The following AGAP1 variants were observed in gnomAD, a reference collection of about 807,000 sequenced individuals.
The protein encoded by AGAP1 is arf-GAP with GTPase, ANK repeat and PH domain-containing protein 1.
Under a neutral mutation model 105.3 loss-of-function variants are expected in AGAP1, and 29 were observed. That is an observed-to-expected ratio of 0.28 (90% CI 0.21 to 0.38). AGAP1 has a LOEUF of 0.38. AGAP1 is among the 10% of genes least tolerant of loss of function. AGAP1 has a pLI of 1.00. For missense variants in AGAP1, 998 were observed against 1,165.1 expected, an observed-to-expected ratio of 0.86 and a Z score of 2.09; for synonymous variants, 509 against 485.9, an observed-to-expected ratio of 1.05 and a Z score of -0.63.
chr2:235,593,894 C>T (rs376002821), intron 1 of AGAP1, among the ~76,000 whole-genome samples: 4 of 151,908 alleles, frequency 2.6e-5, no homozygotes, highest in South Asian at 2.1e-4. Context: ...ACTTGAGCCC[C>T]GGAGTTCAAG....
At chr2:235,681,031 C>A (rs999228945) in intron 1 of AGAP1, among the ~76,000 whole-genome samples, 3 of 151,800 alleles carry the variant, frequency 2.0e-5, no homozygotes, top group Non-Finnish European at 4.4e-5. Flanking sequence ...TCTTTTTAGG[C>A]AGAGTGTCGC....
intron 11 of AGAP1, among the ~76,000 whole-genome samples, chr2:235,915,317 T>C (rs1257776929): frequency 6.6e-6 from 1 of 152,150 alleles, no homozygotes; most frequent in East Asian, 1.9e-4. Flanking sequence ...AAATTATAAC[T>C]CCTATCAACA....
At chr2:235,852,779 A>G in intron 9 of AGAP1, 14 of 1,516,254 alleles carry the variant, frequency 9.2e-6, no homozygotes, top group Non-Finnish European at 1.2e-5. Context: ...GCCAGGGCCG[A>G]GGGGTGGTCA....
chr2:236,084,319 A>G (rs2058866935), intron 16 of AGAP1, among the ~76,000 whole-genome samples: 1 of 152,206 alleles, frequency 6.6e-6, no homozygotes, highest in South Asian at 2.1e-4. Flanking sequence ...ATTTAAATGC[A>G]CAGTACATTC....
chr2:235,876,648 G>A (rs2049747676), intron 9 of AGAP1, among the ~76,000 whole-genome samples: 4 of 152,134 alleles, frequency 2.6e-5, no homozygotes. Context: ...ACCCCACTGG[G>A]CCACGACAAC....
Position 235,569,647 on chromosome 2 carries a change from G to A in AGAP1, c.163+74798G>A, listed in dbSNP as rs1028870731. Among the ~76,000 whole-genome samples, 21 of 152,144 alleles carry A rather than the reference G, an allele frequency of 1.4e-4. No homozygotes were observed. Among genetic ancestry groups the A allele is most frequent in the Admixed American group, 2.6e-4 (4 of 15,274 alleles). ...CCCTGGAGGGGCTGTGCCCAGGTAG[G>A]GTGTGTTCACTGTGCCCCTGTGTGA... On this transcript the variant is annotated intron_variant, in intron 1 of 17. Coordinates refer to ENST00000304032, the MANE Select transcript of AGAP1 (RefSeq NM_001037131.3). This position sits in a 1 kb window ranked among gnomAD's most constrained non-coding sequence, Gnocchi z 5.9.
At chr2:235,624,959 C>T (rs933424773) in intron 1 of AGAP1, among the ~76,000 whole-genome samples, 5 of 152,182 alleles carry the variant, frequency 3.3e-5, no homozygotes, top group Non-Finnish European at 7.3e-5. Flanking sequence ...CACCTTCTGC[C>T]ATGATTGGAA....
Position 235,589,201 on chromosome 2 carries a change from T to G in AGAP1, c.163+94352T>G, listed in dbSNP as rs868617703. On this transcript the variant is annotated intron_variant, in intron 1 of 17. Transcript: ENST00000304032. Reference sequence around the variant, plus strand: ...TTAATAGCTTATTGTTTTGTTTTTTTTTTTTTTTTTTTTTTTTTTTTGAGA... The same window carrying G: ...TTAATAGCTTATTGTTTTGTTTTTTGTTTTTTTTTTTTTTTTTTTTTGAGA... Among the ~76,000 whole-genome samples, 109 of 98,950 alleles carry G rather than the reference T, an allele frequency of 1.1e-3. 1 individual carries two copies. The highest frequency in any genetic ancestry group is 6.5e-3 in the African/African-American group (94 of 14,560). 64.9% of individuals were successfully genotyped at this position (98,950 alleles called of 152,430 possible).
At position 236,122,312 on chromosome 2, in the gene AGAP1, A is replaced by G. The variant is rs373755166; in HGVS notation, c.2371-1607A>G. 1.2e-4 allele frequency among the ~76,000 whole-genome samples: 18 copies of G among 152,258 alleles called. No homozygotes were observed. The South Asian group carries it at 1.5e-3, about 12-fold the overall frequency. The stretch of plus-strand genomic sequence containing the variant: ...ACCTCATTTAAGCTAATACACCACC[A>G]TAAAGGCTCTGTCTCCAAATACAGT... On this transcript the variant is annotated intron_variant, in intron 17 of 17. Coordinates refer to ENST00000304032, the MANE Select transcript of AGAP1 (RefSeq NM_001037131.3).
chr2:235,622,365 C>T lies in AGAP1; in HGVS notation c.164-86814C>T, dbSNP rs1037947150. Among the ~76,000 whole-genome samples, 1 of 152,196 alleles carries T rather than the reference C, an allele frequency of 6.6e-6. No individual in the cohort carries two copies. Among genetic ancestry groups the T allele is most frequent in the Non-Finnish European group, 1.5e-5 (1 of 68,044 alleles). ...AGTGGTCTGTAGCATTCTCATCCTT[C>T]AGAGCTCCCTGAGCTTCTTCACGGC... On this transcript the variant is annotated intron_variant, in intron 1 of 17. Coordinates refer to ENST00000304032, the MANE Select transcript of AGAP1 (RefSeq NM_001037131.3). This position sits in a 1 kb window ranked among gnomAD's most constrained non-coding sequence, Gnocchi z 5.0.
chr2:235,497,896 G>A (rs914453439), intron 1 of AGAP1, among the ~76,000 whole-genome samples: 3 of 151,956 alleles, frequency 2.0e-5, no homozygotes, highest in Non-Finnish European at 4.4e-5. Flanking sequence ...GTGCCCGGCC[G>A]GGCACTTCTT....
Position 235,989,626 on chromosome 2 carries a change from T to C in AGAP1, c.1645+21003T>C, listed in dbSNP as rs1315662396. On this transcript the variant is annotated intron_variant, in intron 13 of 17. Coordinates refer to ENST00000304032, the MANE Select transcript of AGAP1 (RefSeq NM_001037131.3). The surrounding 1 kb of genome is among the most constrained non-coding windows in gnomAD (Gnocchi z 4.4). ...CCACCCAGGAAGATGTGGGAGAAAC[T>C]AGAGGGGATTAGGAGAGTTCGGGCT... 6.6e-6 allele frequency among the ~76,000 whole-genome samples: 1 copy of C among 151,948 alleles called. No individual in the cohort carries two copies. Among genetic ancestry groups the C allele is most frequent in the East Asian group, 1.9e-4 (1 of 5,160 alleles).
At chr2:235,686,501 T>G (rs1218817495) in intron 1 of AGAP1, among the ~76,000 whole-genome samples, 1 of 148,838 alleles carries the variant, frequency 6.7e-6, no homozygotes, top group East Asian at 2.0e-4. Flanking sequence ...CGTACACTGC[T>G]GACAGATTGA....
In AGAP1 at chr2:235,552,107, G is replaced by A. The variant is rs536567006; in HGVS notation, c.163+57258G>A. ...GCTGTTCAGTGCCCCATAACTGGCC[G>A]CGGTACTGCCACCCGCTGGAAGGGG... On this transcript the variant is annotated intron_variant, in intron 1 of 17. Coordinates refer to ENST00000304032, the MANE Select transcript of AGAP1 (RefSeq NM_001037131.3). The surrounding 1 kb of genome is among the most constrained non-coding windows in gnomAD (Gnocchi z 5.9). Among the ~76,000 whole-genome samples, 7 of 152,198 alleles carry A rather than the reference G, an allele frequency of 4.6e-5. No individual in the cohort carries two copies. The East Asian group carries it at 5.8e-4, about 13-fold the overall frequency.
chr2:236,062,967 A>AT lies in AGAP1; in HGVS notation c.2114+13693dup, dbSNP rs1346799849. 2.0e-5 allele frequency among the ~76,000 whole-genome samples: 3 copies of AT among 151,990 alleles called. No homozygotes were observed. Among genetic ancestry groups the AT allele is most frequent in the East Asian group, 3.9e-4 (2 of 5,136 alleles). ...GAGCCACCGTGCCTGGCCATCAGCT[A>AT]TTTTTTTAAGAGATGGGGGTCTCAC... On this transcript the variant is annotated intron_variant, in intron 16 of 17. Coordinates refer to ENST00000304032, the MANE Select transcript of AGAP1 (RefSeq NM_001037131.3). This position sits in a 1 kb window ranked among gnomAD's most constrained non-coding sequence, Gnocchi z 4.2.
intron 9 of AGAP1, among the ~76,000 whole-genome samples, chr2:235,823,181 A>G (rs1958891838): frequency 6.6e-6 from 1 of 151,744 alleles, no homozygotes; most frequent in African/African-American, 2.4e-5. Flanking sequence ...TTTATGTAAC[A>G]TATTAACATG....
intron 13 of AGAP1, among the ~76,000 whole-genome samples, chr2:235,997,696 A>C (rs755384509): frequency 2.0e-5 from 3 of 152,212 alleles, no homozygotes; most frequent in Non-Finnish European, 4.4e-5. Flanking sequence ...TCCCCAGCGC[A>C]GTCCGTCTCC....
At chr2:235,709,522 T>G (rs941832367) in intron 2 of AGAP1, among the ~76,000 whole-genome samples, 1 of 88,938 alleles carries the variant, frequency 1.1e-5, no homozygotes, top group Non-Finnish European at 2.8e-5. Context: ...ATCTCGTGGG[T>G]GTGTGTGTGT....
In AGAP1 at chr2:235,971,207, A is replaced by C. The variant is rs1166643398; in HGVS notation, c.1645+2584A>C. Reference sequence around the variant, plus strand: ...AAAATGTATCATTTTTCCCTAGGAAAAGTTACTTATCAGACTACAAATGAG... The same window carrying C: ...AAAATGTATCATTTTTCCCTAGGAACAGTTACTTATCAGACTACAAATGAG... On this transcript the variant is annotated intron_variant, in intron 13 of 17. Coordinates refer to ENST00000304032, the MANE Select transcript of AGAP1 (RefSeq NM_001037131.3). This position sits in a 1 kb window ranked among gnomAD's most constrained non-coding sequence, Gnocchi z 4.8. Among the ~76,000 whole-genome samples, 2 of 152,218 alleles carry C rather than the reference A, an allele frequency of 1.3e-5. No homozygotes were observed. Among genetic ancestry groups the C allele is most frequent in the African/African-American group, 4.8e-5 (2 of 41,446 alleles).
Sources: allele counts gnomAD v4.1 joint callset (sites outside exome capture counted in the v4.1 genomes callset), GRCh38; gene constraint gnomAD v4.1.1; non-coding constraint Gnocchi (gnomAD v3.1); transcripts MANE v1.5; gene names NCBI Gene and HGNC (gene_info 2026-07-23, HGNC 2026-07-21).